Variants in SERPINE2 observed in about 807,000 individuals in gnomAD.
SERPINE2 encodes glia-derived nexin.
Under a neutral mutation model 36.3 loss-of-function variants are expected in SERPINE2, and 14 were observed. The observed-to-expected ratio is 0.39, with a 90% CI of 0.25 to 0.60. The LOEUF is 0.60. SERPINE2 is among the 20% of genes least tolerant of loss of function. The pLI is 0.57. For synonymous variants in SERPINE2, 192 were observed against 191.8 expected, an observed-to-expected ratio of 1.00 and a Z score of -0.01; for missense variants, 418 against 499.6, an observed-to-expected ratio of 0.84 and a Z score of 1.56.
At chr2:224,021,975 C>G (rs989670405) in intron 1 of SERPINE2, among the ~76,000 whole-genome samples, 2 of 151,730 alleles carry the variant, frequency 1.3e-5, no homozygotes, top group South Asian at 2.1e-4. Flanking sequence ...CTGGCTAACA[C>G]GGTGAAACCC....
At chr2:224,013,029 A>G (rs1018893709) in intron 1 of SERPINE2, among the ~76,000 whole-genome samples, 2 of 152,170 alleles carry the variant, frequency 1.3e-5, no homozygotes, top group Non-Finnish European at 2.9e-5. Context: ...TGGTGGTGTT[A>G]TTTTGGTGAA....
At chr2:223,999,518 G>A (rs954307689) in intron 2 of SERPINE2, among the ~76,000 whole-genome samples, 7 of 152,142 alleles carry the variant, frequency 4.6e-5, no homozygotes, top group Admixed American at 3.9e-4. Flanking sequence ...ACAAACAGGG[G>A]CGTGTGTAGG....
At chr2:224,027,102 A>G (rs930424670) in intron 1 of SERPINE2, among the ~76,000 whole-genome samples, 1 of 152,208 alleles carries the variant, frequency 6.6e-6, no homozygotes, top group Non-Finnish European at 1.5e-5. Flanking sequence ...TTCCCTCTGC[A>G]GAGAGATTTA....
At position 224,022,158 on chromosome 2, in the gene SERPINE2, CA is replaced by C. The variant is rs71058977; in HGVS notation, c.-23+16940del. On this transcript the variant is annotated intron_variant, in intron 1 of 8. Transcript: ENST00000409304. ...TGGGCAACAGAGCGAGACTCCTTCTCAAAAAAAAAAAAAAAAAAAAAAAATT... is the reference window on the plus strand; with the variant it reads ...TGGGCAACAGAGCGAGACTCCTTCTCAAAAAAAAAAAAAAAAAAAAAAATT... 5.2e-3 allele frequency among the ~76,000 whole-genome samples: 374 copies of C among 72,564 alleles called. 3 individuals carry two copies. Among genetic ancestry groups the C allele is most frequent in the African/African-American group, 0.013 (226 of 17,780 alleles). The allele number at this position is 72,564 out of a possible 152,430, so 47.6% of individuals were successfully genotyped here.
At chr2:224,015,801 C>T (rs549132154) in intron 1 of SERPINE2, among the ~76,000 whole-genome samples, 1 of 152,256 alleles carries the variant, frequency 6.6e-6, no homozygotes, top group South Asian at 2.1e-4. Flanking sequence ...ATCAATTGGA[C>T]CTCATCAAAA....
chr2:223,996,853 G>A (rs1690908805), intron 3 of SERPINE2, among the ~76,000 whole-genome samples: 1 of 152,202 alleles, frequency 6.6e-6, no homozygotes, highest in Admixed American at 6.5e-5. Context: ...GAGGCGAGAG[G>A]ACTGCTTGAA....
intron 1 of SERPINE2, among the ~76,000 whole-genome samples, chr2:224,016,934 T>C (rs1691819657): frequency 6.6e-6 from 1 of 152,082 alleles, no homozygotes; most frequent in Non-Finnish European, 1.5e-5. Context: ...GGTGCAGAGA[T>C]GGAGAATAGA....
intron 4 of SERPINE2, among the ~76,000 whole-genome samples, chr2:223,989,480 G>A (rs1690564591): frequency 6.6e-6 from 1 of 152,232 alleles, no homozygotes; most frequent in Non-Finnish European, 1.5e-5. Flanking sequence ...GGCAGAAAAT[G>A]ACGGACAGTC....
At chr2:224,010,269 C>T (rs150406935) in intron 1 of SERPINE2, 1 of 817,180 alleles carries the variant, frequency 1.2e-6, no homozygotes, top group African/African-American at 1.9e-5. Context: ...TTTTGTCTGC[C>T]TTCAAAGTGT....
intron 1 of SERPINE2, among the ~76,000 whole-genome samples, chr2:224,034,625 T>A (rs1196722836): frequency 6.6e-6 from 1 of 151,998 alleles, no homozygotes. Flanking sequence ...CCCTAAGGTG[T>A]CTAAATGACC....
Position 224,005,065 on chromosome 2 carries a change from T to TAA in SERPINE2, c.-22-3144_-22-3143insTT, listed in dbSNP as rs1553547020. Among the ~76,000 whole-genome samples, 11 of 33,558 alleles carry TAA rather than the reference T, an allele frequency of 3.3e-4. 1 individual carries two copies. The highest frequency in any genetic ancestry group is 6.4e-4 in the Non-Finnish European group (10 of 15,574). The allele number at this position is 33,558 out of a possible 152,430, so 22.0% of individuals were successfully genotyped here. A position where few individuals can be genotyped will look rare whatever the true frequency, so the allele number is the denominator to read the frequency against. Reference sequence around the variant, plus strand: ...ATATATTTTATATATTTTATATATATTATATATATATATATATATATATAT... The same window carrying TAA: ...ATATATTTTATATATTTTATATATATAATATATATATATATATATATATATAT... On this transcript the variant is annotated intron_variant, in intron 1 of 8. Transcript: ENST00000409304.
At chr2:224,002,586 G>T (rs900766662) in intron 1 of SERPINE2, among the ~76,000 whole-genome samples, 2 of 151,926 alleles carry the variant, frequency 1.3e-5, no homozygotes, top group African/African-American at 4.8e-5. Context: ...TCCGCCTCCC[G>T]GGTTCAAGTG....
At chr2:223,980,645 T>C in intron 6 of SERPINE2, 1 of 426,076 alleles carries the variant, frequency 2.3e-6, no homozygotes, top group Non-Finnish European at 4.3e-6. Context: ...ATTTAGTGCC[T>C]CTATCAATTC....
intron 1 of SERPINE2, among the ~76,000 whole-genome samples, chr2:224,019,888 C>A (rs191425294): frequency 1.2e-3 from 189 of 151,522 alleles, no homozygotes; most frequent in African/African-American, 3.9e-3. Flanking sequence ...GAATGTTTAG[C>A]AGTATTCCTG....
chr2:224,008,600 A>T (rs755842718), intron 1 of SERPINE2, among the ~76,000 whole-genome samples: 15 of 152,208 alleles, frequency 9.9e-5, no homozygotes, highest in Non-Finnish European at 2.1e-4. Flanking sequence ...ACAACCCTAC[A>T]GTCTTGTTAG....
chr2:223,995,764 G>C (rs1225020814), intron 3 of SERPINE2, among the ~76,000 whole-genome samples: 1 of 152,150 alleles, frequency 6.6e-6, no homozygotes, highest in African/African-American at 2.4e-5. Context: ...AATTGCATCA[G>C]CAATAGTTAA....
chr2:223,998,653 C>T (rs1305329161), intron 2 of SERPINE2, among the ~76,000 whole-genome samples: 1 of 152,146 alleles, frequency 6.6e-6, no homozygotes, highest in Non-Finnish European at 1.5e-5. Flanking sequence ...GAAGTCGAGG[C>T]TGCAGTAAGC....
rs1691702689 is a variant in SERPINE2 at position 224,013,601 on chromosome 2, A to C, written c.-22-11679T>G. On this transcript the variant is annotated intron_variant, in intron 1 of 8. Coordinates refer to ENST00000409304, the MANE Select transcript of SERPINE2 (RefSeq NM_001136528.2). ...GTAAGAATAATTTAGATTATATATG[A>C]ATGTTTTAGGTTTTTCTCTCAGTGG... 2.0e-5 allele frequency among the ~76,000 whole-genome samples: 3 copies of C among 152,096 alleles called. No homozygotes were observed. The South Asian group carries it at 6.2e-4, about 32-fold the overall frequency.
intron 1 of SERPINE2, among the ~76,000 whole-genome samples, chr2:224,002,891 T>C (rs887733486): frequency 3.9e-5 from 6 of 152,064 alleles, no homozygotes; most frequent in Non-Finnish European, 8.8e-5. Context: ...GTTAGGCATA[T>C]GACATAACTG....
Sources: allele counts gnomAD v4.1 joint callset (sites outside exome capture counted in the v4.1 genomes callset), GRCh38; gene constraint gnomAD v4.1.1; transcripts MANE v1.5; gene names NCBI Gene and HGNC (gene_info 2026-07-23, HGNC 2026-07-21).